Variants in ATP10B observed in about 807,000 individuals in gnomAD.
The protein encoded by ATP10B is ATPase phospholipid transporting 10B (putative).
A neutral mutation model predicts 141.2 loss-of-function variants in ATP10B; 122 were observed. The ratio of observed to expected loss-of-function variants is 0.86; its 90% CI spans 0.75 to 1.00. ATP10B has a LOEUF of 1.00. ATP10B is among the 50% of genes least tolerant of loss of function. The probability of loss-of-function intolerance (pLI) is 0.00; values close to 1 mark genes in which losing one functional copy is unlikely to be tolerated. For synonymous variants in ATP10B, 685 were observed against 692.0 expected, an observed-to-expected ratio of 0.99 and a Z score of 0.16; for missense variants, 1,876 against 1,825.3, an observed-to-expected ratio of 1.03 and a Z score of -0.51.
chr5:160,650,988 G>C (rs1355111108), intron 7 of ATP10B, among the ~76,000 whole-genome samples: 1 of 152,084 alleles, frequency 6.6e-6, no homozygotes, highest in East Asian at 1.9e-4. Flanking sequence ...GTTTCAATTT[G>C]TTTTGCTGTT....
At chr5:160,716,876 G>A (rs1765694939) in intron 3 of ATP10B, 33 bp downstream of exon 3, 2 of 983,616 alleles carry the variant, frequency 2.0e-6, no homozygotes, top group South Asian at 9.4e-5. Context: ...ATAGGAAAAG[G>A]AAAGAAACGG....
At chr5:160,835,814 G>A (rs1775390978) in intron 1 of ATP10B, among the ~76,000 whole-genome samples, 1 of 151,944 alleles carries the variant, frequency 6.6e-6, no homozygotes, top group African/African-American at 2.4e-5. Flanking sequence ...TCCTTCATGG[G>A]GTTTTCTGCC....
At chr5:160,909,900 A>C in the ATP10B span, among the ~76,000 whole-genome samples, 1 of 152,242 alleles carries the variant, frequency 6.6e-6, no homozygotes, top group African/African-American at 2.4e-5. Flanking sequence ...TCAGTAAAGC[A>C]GAACAACGAC....
chr5:160,706,666 A>G (rs1765030880), intron 3 of ATP10B, among the ~76,000 whole-genome samples: 1 of 152,220 alleles, frequency 6.6e-6, no homozygotes, highest in African/African-American at 2.4e-5. Flanking sequence ...GAAAAATTGC[A>G]ACGATAATAC....
intron 8 of ATP10B, among the ~76,000 whole-genome samples, chr5:160,646,773 A>C (rs1760305520): frequency 6.6e-6 from 1 of 152,236 alleles, no homozygotes; most frequent in Non-Finnish European, 1.5e-5. Flanking sequence ...GTTCCTTTTC[A>C]AAGAATGGTA....
At chr5:160,897,910 T>C in the ATP10B span, among the ~76,000 whole-genome samples, 3 of 152,172 alleles carry the variant, frequency 2.0e-5, no homozygotes, top group Non-Finnish European at 4.4e-5. Flanking sequence ...ATCTGATCTT[T>C]GACAAACCTG....
chr5:160,617,630 A>G (rs1319161303), intron 16 of ATP10B, among the ~76,000 whole-genome samples: 1 of 152,252 alleles, frequency 6.6e-6, no homozygotes, highest in Non-Finnish European at 1.5e-5. Flanking sequence ...CCCATTACAC[A>G]TATAATGAAA....
At chr5:160,610,674 A>C (rs1757670611) in intron 18 of ATP10B, among the ~76,000 whole-genome samples, 1 of 152,256 alleles carries the variant, frequency 6.6e-6, no homozygotes, top group Non-Finnish European at 1.5e-5. Flanking sequence ...TCTGTTTTAC[A>C]GATGAAGAGA....
intron 1 of ATP10B, among the ~76,000 whole-genome samples, chr5:160,794,896 ATTG>A (rs1171337341): frequency 5.9e-5 from 9 of 152,236 alleles, no homozygotes; most frequent in African/African-American, 1.4e-4. Context: ...CTTTATTGTT[ATTG>A]TTGTTGTCTG....
At chr5:160,583,444 C>G (rs1464956654) in intron 24 of ATP10B, among the ~76,000 whole-genome samples, 2 of 152,234 alleles carry the variant, frequency 1.3e-5, no homozygotes, top group Non-Finnish European at 2.9e-5. Flanking sequence ...CTTCTGGAAG[C>G]TTCATCCCAG....
At chr5:160,716,736 A>G (rs1430120812) in intron 3 of ATP10B, among the ~76,000 whole-genome samples, 173 bp downstream of exon 3, 4 of 152,212 alleles carry the variant, frequency 2.6e-5, no homozygotes, top group East Asian at 3.8e-4. Context: ...CAAGGCTGAT[A>G]TGGAGGCACC....
intron 7 of ATP10B, among the ~76,000 whole-genome samples, chr5:160,665,310 G>A (rs1397383589): frequency 1.3e-5 from 2 of 152,182 alleles, no homozygotes. Context: ...ACAGGAAAAG[G>A]AAGAATGAAC....
In ATP10B at chr5:160,589,281, G is replaced by T. The variant is rs1031193468; in HGVS notation, c.3750+311C>A. Reference sequence around the variant, plus strand: ...TCCACCTCGGCCTCCCAAAGTGCTGGGATTACAGGTGTGAGCCACCATGCC... The same window carrying T: ...TCCACCTCGGCCTCCCAAAGTGCTGTGATTACAGGTGTGAGCCACCATGCC... On this transcript the variant is annotated intron_variant, in intron 24 of 25. Transcript: ENST00000327245. 5.3e-5 allele frequency among the ~76,000 whole-genome samples: 8 copies of T among 152,120 alleles called. No homozygotes were observed. In the East Asian group the frequency reaches 9.6e-4, roughly 18 times the overall value.
At chr5:160,742,753 G>C (rs557883751) in intron 2 of ATP10B, among the ~76,000 whole-genome samples, 3 of 152,136 alleles carry the variant, frequency 2.0e-5, no homozygotes, top group Admixed American at 1.3e-4. Context: ...AGGGAATTTG[G>C]GGGGAGGATT....
chr5:160,569,457 G>T, intron 25 of ATP10B, 39 bp downstream of exon 25: 2 of 1,604,638 alleles, frequency 1.2e-6, no homozygotes, highest in South Asian at 1.1e-5. Context: ...AAGGGAGATT[G>T]GTAATTTTAG....
chr5:160,767,326 T>C (rs995839464), intron 2 of ATP10B, among the ~76,000 whole-genome samples: 5 of 152,170 alleles, frequency 3.3e-5, no homozygotes, highest in African/African-American at 1.2e-4. Flanking sequence ...TGTCTTTGAC[T>C]GAATACTCCC....
chr5:160,747,719 A>G (rs530886915), intron 2 of ATP10B, among the ~76,000 whole-genome samples: 1 of 152,262 alleles, frequency 6.6e-6, no homozygotes, highest in African/African-American at 2.4e-5. Context: ...CAAAACTGTA[A>G]GAGTACATGT....
chr5:160,867,712 G>C, the ATP10B span, among the ~76,000 whole-genome samples: 8 of 152,036 alleles, frequency 5.3e-5, no homozygotes, highest in Admixed American at 5.2e-4. Flanking sequence ...AGAATTTGTT[G>C]GCATGGTTGT....
intron 12 of ATP10B, 40 bp from the exon 13 acceptor site, chr5:160,632,407 C>T (rs368364203): frequency 2.4e-5 from 38 of 1,586,218 alleles, no homozygotes; most frequent in Middle Eastern, 3.6e-4. Flanking sequence ...AGTTGTACCT[C>T]GGCTGGACCA....
Sources: allele counts gnomAD v4.1 joint callset (sites outside exome capture counted in the v4.1 genomes callset), GRCh38; gene constraint gnomAD v4.1.1; transcripts MANE v1.5; gene names NCBI Gene and HGNC (gene_info 2026-07-23, HGNC 2026-07-21).